Variants in BLTP1 observed in about 807,000 individuals in gnomAD.
BLTP1 encodes the protein bridge-like lipid transfer protein family member 1.
the BLTP1 span, among the ~76,000 whole-genome samples, chr4:122,295,067 AAAAAG>A: frequency 2.6e-5 from 4 of 152,198 alleles, no homozygotes; most frequent in South Asian, 2.1e-4. Context: ...AGAATAGAGA[AAAAAG>A]AAAAGGAACA....
the BLTP1 span, among the ~76,000 whole-genome samples, chr4:122,184,072 A>G: frequency 6.6e-6 from 1 of 152,216 alleles, no homozygotes; most frequent in Admixed American, 6.5e-5. Context: ...TCTAACAAAT[A>G]GACTGCAAGA....
the BLTP1 span, chr4:122,281,885 GATT>G: frequency 1.5e-6 from 2 of 1,307,502 alleles, no homozygotes; most frequent in Admixed American, 7.0e-5. Flanking sequence ...AAGTAATTTT[GATT>G]ATAACATTTA....
chr4:122,222,231 C>T, the BLTP1 span, among the ~76,000 whole-genome samples: 3 of 152,114 alleles, frequency 2.0e-5, no homozygotes, highest in Non-Finnish European at 4.4e-5. Context: ...TTTTCTTCAT[C>T]TGTCGTTATA....
At chr4:122,207,751 A>G in the BLTP1 span, 1 of 1,072,218 alleles carries the variant, frequency 9.3e-7, no homozygotes, top group Non-Finnish European at 1.3e-6. Flanking sequence ...AAGTATTTTT[A>G]GCTTTCCTCC....
chr4:122,350,898 T>C, the BLTP1 span, among the ~76,000 whole-genome samples: 1 of 151,996 alleles, frequency 6.6e-6, no homozygotes, highest in Admixed American at 6.6e-5. Flanking sequence ...TTCACAGAGG[T>C]CTACTACAGG....
At chr4:122,176,547 A>G in the BLTP1 span, among the ~76,000 whole-genome samples, 2 of 152,196 alleles carry the variant, frequency 1.3e-5, no homozygotes, top group Non-Finnish European at 2.9e-5. Flanking sequence ...TTAAAAATGA[A>G]CTAAGGAAAA....
the BLTP1 span, chr4:122,220,169 G>C: frequency 6.6e-6 from 2 of 303,472 alleles, no homozygotes. Flanking sequence ...TGCAGCTAAC[G>C]ATCCTACTGA....
chr4:122,290,225 AG>A, the BLTP1 span, among the ~76,000 whole-genome samples: 1 of 152,200 alleles, frequency 6.6e-6, no homozygotes, highest in Non-Finnish European at 1.5e-5. Flanking sequence ...TTTACAAGTT[AG>A]GTCTTAAAAG....
At chr4:122,242,773 G>C in the BLTP1 span, among the ~76,000 whole-genome samples, 1 of 152,160 alleles carries the variant, frequency 6.6e-6, no homozygotes, top group Non-Finnish European at 1.5e-5. Context: ...TTAAGTTTCA[G>C]TTATAGCCTT....
At chr4:122,188,064 G>A in the BLTP1 span, 2 of 1,518,650 alleles carry the variant, frequency 1.3e-6, no homozygotes, top group Admixed American at 2.3e-5. Context: ...CCTAGTCCAA[G>A]ATATGTTGGT....
chr4:122,258,937 A>G, the BLTP1 span: 2 of 646,548 alleles, frequency 3.1e-6, no homozygotes, highest in African/African-American at 1.9e-5. Flanking sequence ...TCCACCCTAA[A>G]TATTCAGATA....
chr4:122,162,668 T>A, the BLTP1 span: 7 of 984,368 alleles, frequency 7.1e-6, no homozygotes, highest in African/African-American at 1.2e-4. Flanking sequence ...TTAACACAAA[T>A]TAAATGTTAA....
At chr4:122,325,892 G>T in the BLTP1 span, 3 of 1,176,822 alleles carry the variant, frequency 2.5e-6, no homozygotes, top group Non-Finnish European at 3.4e-6. Flanking sequence ...CCACAATCCA[G>T]CTGTCCTGGG....
the BLTP1 span, chr4:122,313,066 A>G: frequency 3.5e-5 from 6 of 172,060 alleles, no homozygotes; most frequent in East Asian, 1.9e-4. Flanking sequence ...AAATGTTTCA[A>G]AGTTAAAGTA....
At chr4:122,229,722 T>A in the BLTP1 span, 2 of 962,884 alleles carry the variant, frequency 2.1e-6, no homozygotes, top group Non-Finnish European at 2.5e-6. Flanking sequence ...TTTTAAAAAA[T>A]TGTCTATTTT....
At chr4:122,199,673 A>G in the BLTP1 span, among the ~76,000 whole-genome samples, 2 of 152,200 alleles carry the variant, frequency 1.3e-5, no homozygotes, top group African/African-American at 4.8e-5. Flanking sequence ...GCAATGATAC[A>G]TGTTTTTGGC....
the BLTP1 span, chr4:122,308,275 A>C: frequency 9.0e-7 from 1 of 1,112,294 alleles, no homozygotes; most frequent in East Asian, 2.4e-5. Flanking sequence ...ATAACTGTTT[A>C]GTAGGTAGCA....
chr4:122,261,461 G>A, the BLTP1 span: 1 of 983,400 alleles, frequency 1.0e-6, no homozygotes, highest in South Asian at 4.7e-5. Flanking sequence ...GTCTTTTTTT[G>A]TACTGTATTT....
At chr4:122,301,370 C>A in the BLTP1 span, 1 of 1,598,192 alleles carries the variant, frequency 6.3e-7, no homozygotes, top group Non-Finnish European at 8.5e-7. Flanking sequence ...CTAAAATTCT[C>A]CTCTATTCCC....
Sources: gnomAD v4.1 joint callset for allele counts (sites outside exome capture counted in the v4.1 genomes callset) on GRCh38, gnomAD v4.1.1 for gene constraint, MANE v1.5 for transcripts, NCBI Gene and HGNC (gene_info 2026-07-23, HGNC 2026-07-21) for gene names.